The following RADIL variants were observed in gnomAD, a reference collection of about 807,000 sequenced individuals.
RADIL encodes the protein ras-associating and dilute domain-containing protein.
RADIL carries 99 observed loss-of-function variants against 97.6 expected under a neutral mutation model. The ratio of observed to expected loss-of-function variants is 1.01; its 90% CI spans 0.86 to 1.20. The LOEUF (loss-of-function observed/expected upper bound fraction) is 1.20, where lower values mean the gene tolerates loss of function less well. Among genes scored for constraint, RADIL ranks in the 50% most tolerant of loss-of-function variants. The pLI is 0.00. For synonymous variants in RADIL, 803 were observed against 691.8 expected (o/e 1.16, Z -2.52); for missense variants, 1,765 against 1,498.9 (o/e 1.18, Z -2.93).
chr7:4,858,266 G>C (rs1006340817), intron 2 of RADIL: 5 of 152,184 alleles, frequency 3.3e-5, no homozygotes, highest in African/African-American at 1.2e-4. Context: ...AAAGTGCAGA[G>C]TTAGAGGAGG....
Position 4,842,228 on chromosome 7 carries a change from C to T in RADIL, c.536-5623G>A, listed in dbSNP as rs543534075. Among the ~76,000 whole-genome samples the T allele has an allele frequency of 5.3e-5, 8 of 152,158 alleles. No homozygotes were observed. Among genetic ancestry groups the T allele is most frequent in the East Asian group, 1.9e-4 (1 of 5,156 alleles). ...GGCAATGGGGAAGATGGGGATGGGA[C>T]GGTCGTTGTTGACATCTTCTTCTAC... On this transcript the variant is annotated intron_variant, in intron 2 of 14. Coordinates refer to ENST00000399583, the MANE Select transcript of RADIL (RefSeq NM_018059.5). The surrounding 1 kb of genome is among the most constrained non-coding windows in gnomAD (Gnocchi z 4.5).
chr7:4,805,761 G>A (rs754112798), intron 9 of RADIL, 45 bp from the exon 10 acceptor site: 16 of 1,579,462 alleles, frequency 1.0e-5, no homozygotes, highest in Non-Finnish European at 1.4e-5. Flanking sequence ...TCTGGGTGCA[G>A]ACCCCAGCCC....
rs1306400662 is a variant in RADIL at position 4,808,695 on chromosome 7, G to A, written c.2140-2979C>T. On this transcript the variant is annotated intron_variant, in intron 9 of 14. Coordinates refer to ENST00000399583, the MANE Select transcript of RADIL (RefSeq NM_018059.5). ...CCGACGCCACTGCCCCCGTTCCAACGCCACTGCCCCTCCGTTTCTCCTTCC... is the reference window on the plus strand; with the variant it reads ...CCGACGCCACTGCCCCCGTTCCAACACCACTGCCCCTCCGTTTCTCCTTCC... The A allele has an allele frequency of 1.4e-5, 12 of 831,260 alleles. No individual in the cohort carries two copies. The African/African-American group carries it at 2.1e-4, about 15-fold the overall frequency. The allele number at this position is 831,260 out of a possible 1,614,324, so 51.5% of individuals were successfully genotyped here.
chr7:4,834,199 G>A lies in RADIL; in HGVS notation c.1416+408C>T, dbSNP rs572367979. Among the ~76,000 whole-genome samples the A allele has an allele frequency of 3.5e-4, 54 of 152,292 alleles. 1 individual carries two copies. The South Asian group carries it at 0.011, about 31-fold the overall frequency. On this transcript the variant is annotated intron_variant, in intron 4 of 14. Coordinates refer to ENST00000399583, the MANE Select transcript of RADIL (RefSeq NM_018059.5). This position sits in a 1 kb window ranked among gnomAD's most constrained non-coding sequence, Gnocchi z 6.0. The stretch of plus-strand genomic sequence containing the variant: ...CAAGCACAGGGCGCCGGCACACACA[G>A]GGGCTTCTGGGGCTCTTGGGCAGGG...
chr7:4,874,393 C>T (rs1784321949), intron 2 of RADIL, among the ~76,000 whole-genome samples: 1 of 152,250 alleles, frequency 6.6e-6, no homozygotes, highest in African/African-American at 2.4e-5. Context: ...CTAGCCTTCC[C>T]CCGGCTCCAG....
intron 2 of RADIL, among the ~76,000 whole-genome samples, chr7:4,847,765 A>C (rs527273983): frequency 4.9e-5 from 7 of 142,374 alleles, no homozygotes; most frequent in African/African-American, 7.8e-5. Flanking sequence ...AAAAAAAAAA[A>C]ACACACAGGT....
intron 9 of RADIL, 53 bp from the exon 10 acceptor site, chr7:4,805,769 C>T: frequency 6.4e-7 from 1 of 1,562,460 alleles, no homozygotes; most frequent in Non-Finnish European, 8.7e-7. Flanking sequence ...CAGACCCCAG[C>T]CCAAAGAGGG....
In RADIL at chr7:4,805,684, G is replaced by A. The variant is rs181860876; in HGVS notation, c.2172C>T (p.Pro724=). 80 of 1,611,332 alleles carry A rather than the reference G, an allele frequency of 5.0e-5. 1 individual carries two copies. The East Asian group carries it at 5.3e-4, about 11-fold the overall frequency. Residue 724 remains proline, a synonymous_variant, in exon 10 of 15, where the codon CCC becomes CCT. Coordinates refer to ENST00000399583, the MANE Select transcript of RADIL (RefSeq NM_018059.5). ...MSWTALRAAF[P]ALSPAQLHRL... ...GGTGCAGCTGTGCTGGGCTCAGTGC[G>A]GGGAACGCAGCCCGCAGGGCTGTCC... is the stretch of plus-strand genomic sequence containing the variant.
Position 4,878,128 on chromosome 7 carries a change from C to A in RADIL, c.12G>T (p.Gly4=). 2 of 1,556,656 alleles carry A rather than the reference C, an allele frequency of 1.3e-6. No homozygotes were observed. The highest frequency in any genetic ancestry group is 1.2e-5 in the South Asian group (1 of 84,532). The change falls in exon 2 of 15, where the codon GGG becomes GGT. Residue 4 remains glycine (G), a synonymous_variant. Coordinates refer to ENST00000399583, the MANE Select transcript of RADIL (RefSeq NM_018059.5). This position sits in a 1 kb window ranked among gnomAD's most constrained non-coding sequence, Gnocchi z 4.1. Reference sequence around the variant, plus strand: ...TGGGCGGGGACATGATGAAGTGCGTCCCATAAAACATGGTGGGTGAGGCTT... The same window carrying A: ...TGGGCGGGGACATGATGAAGTGCGTACCATAAAACATGGTGGGTGAGGCTT... MFY[G]THFIMSPPTK... is the part of the protein sequence containing the mutation.
rs1035077552 is a variant in RADIL at position 4,821,544 on chromosome 7, A to G, written c.1615+850T>C. Among the ~76,000 whole-genome samples, 13 of 152,108 alleles carry G rather than the reference A, an allele frequency of 8.5e-5. No individual in the cohort carries two copies. Among genetic ancestry groups the G allele is most frequent in the African/African-American group, 2.9e-4 (12 of 41,404 alleles). ...GGAATCCCTCTCCCTTAGTATTTTC[A>G]GAACACTTCCTACTGCATTTCAGAA... is the stretch of plus-strand genomic sequence containing the variant. On this transcript the variant is annotated intron_variant, in intron 6 of 14. Coordinates refer to ENST00000399583, the MANE Select transcript of RADIL (RefSeq NM_018059.5). The surrounding 1 kb of genome is among the most constrained non-coding windows in gnomAD (Gnocchi z 5.2).
chr7:4,800,285 C>A lies in RADIL; in HGVS notation c.2868G>T (p.Glu956Asp). Reference protein sequence around the residue: ...PEGDSAALAEESPPAPSSRSS... With the variant: ...PEGDSAALAEDSPPAPSSRSS... ...TGCGGCTGGACGGGGCTGGAGGGGA[C>A]TCCTCCGCAAGGGCTGCAGAGTCTC... Residue 956 changes from glutamate (E) to aspartate (D), a missense_variant, in exon 13 of 15, where the codon GAG (glutamate) becomes GAT (aspartate). By Grantham distance (45) the Glu-to-Asp change is conservative. Coordinates refer to ENST00000399583, the MANE Select transcript of RADIL (RefSeq NM_018059.5). 6.6e-7 allele frequency: 1 copy of A among 1,509,334 alleles called. No homozygotes were observed. Among genetic ancestry groups the A allele is most frequent in the Admixed American group, 2.2e-5 (1 of 45,156 alleles). 93.5% of individuals were successfully genotyped at this position (1,509,334 alleles called of 1,614,324 possible). A position where few individuals can be genotyped will look rare whatever the true frequency, so the allele number is the denominator to read the frequency against.
chr7:4,833,105 G>A (rs570054954), intron 4 of RADIL, among the ~76,000 whole-genome samples: 1 of 152,286 alleles, frequency 6.6e-6, no homozygotes, highest in Non-Finnish European at 1.5e-5. Flanking sequence ...GTGTGCTGCA[G>A]GGAGTGGGCC....
intron 12 of RADIL, among the ~76,000 whole-genome samples, chr7:4,801,086 A>G (rs909151530): frequency 6.6e-6 from 1 of 151,056 alleles, no homozygotes; most frequent in Non-Finnish European, 1.5e-5. Flanking sequence ...ACGTGCACTT[A>G]CACCCATGCA....
intron 5 of RADIL, among the ~76,000 whole-genome samples, chr7:4,829,353 G>A (rs1416518115): frequency 6.6e-6 from 1 of 152,174 alleles, no homozygotes; most frequent in African/African-American, 2.4e-5. Context: ...GCTCTGGGGA[G>A]CGGGTGTTTG....
intron 5 of RADIL, among the ~76,000 whole-genome samples, chr7:4,827,486 C>G (rs1158041998): frequency 6.6e-6 from 1 of 151,568 alleles, no homozygotes; most frequent in Admixed American, 6.6e-5. Context: ...ACAGTGAAAC[C>G]CCGTCTCTAC....
intron 2 of RADIL, among the ~76,000 whole-genome samples, chr7:4,851,210 GAAAAA>G (rs988340184): frequency 1.3e-5 from 2 of 148,702 alleles, no homozygotes; most frequent in African/African-American, 2.5e-5. Flanking sequence ...AAAAAAAAAA[GAAAAA>G]AAGAAAAGAA....
chr7:4,871,026 T>G (rs1784240955), intron 2 of RADIL, among the ~76,000 whole-genome samples: 1 of 152,238 alleles, frequency 6.6e-6, no homozygotes, highest in Admixed American at 6.5e-5. Flanking sequence ...CAAGTTTATT[T>G]TCTCTTTGAA....
rs750618179 is a variant in RADIL at position 4,879,879 on chromosome 7, G to A, written c.-64-1676C>T. ...ACTGCCCGCCAGAGCTGTCATGGGT[G>A]AGTCCTGAAATCAGACCACCACTCG... is the stretch of plus-strand genomic sequence containing the variant. On this transcript the variant is annotated intron_variant, in intron 1 of 14. Coordinates refer to ENST00000399583, the MANE Select transcript of RADIL (RefSeq NM_018059.5). This position sits in a 1 kb window ranked among gnomAD's most constrained non-coding sequence, Gnocchi z 4.1. 5.3e-5 allele frequency among the ~76,000 whole-genome samples: 8 copies of A among 152,192 alleles called. No individual in the cohort carries two copies. The highest frequency in any genetic ancestry group is 1.0e-4 in the Non-Finnish European group (7 of 68,034).
chr7:4,816,189 G>A, intron 8 of RADIL, 39 bp downstream of exon 8: 1 of 1,566,814 alleles, frequency 6.4e-7, no homozygotes, highest in Non-Finnish European at 8.7e-7. Context: ...GTCCAGGAAT[G>A]TGAGCCCCCG....
Sources: gnomAD v4.1 joint callset for allele counts (sites outside exome capture counted in the v4.1 genomes callset) on GRCh38, gnomAD v4.1.1 for gene constraint, Gnocchi (gnomAD v3.1) non-coding constraint, MANE v1.5 for transcripts, NCBI Gene and HGNC (gene_info 2026-07-23, HGNC 2026-07-21) for gene names.